Variants in AHNAK observed in about 807,000 individuals in gnomAD.
AHNAK encodes AHNAK nucleoprotein.
A neutral mutation model predicts 37.8 loss-of-function variants in AHNAK; 23 were observed. The observed-to-expected ratio is 0.61, with a 90% CI of 0.44 to 0.86. The LOEUF (loss-of-function observed/expected upper bound fraction) is 0.86. Ranked by LOEUF, AHNAK falls within the 40% of genes least tolerant of loss-of-function variation. The pLI is 0.00. For missense variants in AHNAK, 7,411 were observed against 7,319.4 expected, an observed-to-expected ratio of 1.01 and a Z score of -0.46; for synonymous variants, 2,481 against 2,636.3, an observed-to-expected ratio of 0.94 and a Z score of 1.80.
chr11:62,482,726 TAG>T (rs1939300300), intron 5 of AHNAK, among the ~76,000 whole-genome samples: 1 of 152,202 alleles, frequency 6.6e-6, no homozygotes, highest in Non-Finnish European at 1.5e-5. Context: ...TGTCTCCATC[TAG>T]CATGGTAGAG....
intron 5 of AHNAK, among the ~76,000 whole-genome samples, chr11:62,465,696 T>C (rs1021163098): frequency 4.6e-5 from 7 of 152,146 alleles, no homozygotes; most frequent in Non-Finnish European, 1.0e-4. Flanking sequence ...GAGTCAGCCC[T>C]GATCTAATGA....
chr11:62,510,245 A>G (rs993557228), intron 4 of AHNAK, among the ~76,000 whole-genome samples: 1 of 151,362 alleles, frequency 6.6e-6, no homozygotes, highest in African/African-American at 2.4e-5. Flanking sequence ...GGGTTTCACT[A>G]TGTTGGCCAG....
chr11:62,521,177 G>GA lies in AHNAK; in HGVS notation c.13239dup (p.Leu4414SerfsTer5). The GA allele has an allele frequency of 6.2e-7, 1 of 1,614,036 alleles. No individual in the cohort carries two copies. The highest frequency in any genetic ancestry group is 1.7e-5 in the Admixed American group (1 of 60,018). ...TTTATGTCAATTTCAGGGCCCTTGA[G>GA]ATCACCTTCCACTTTGGGCAGAGAG... On this transcript the variant is annotated frameshift_variant, in exon 5 of 5. Coordinates refer to ENST00000378024, the MANE Select transcript of AHNAK (RefSeq NM_001620.3). LOFTEE classifies it low-confidence loss of function (END_TRUNC).
In AHNAK at chr11:62,520,645, G is replaced by A. The variant is rs773481764; in HGVS notation, c.13772C>T (p.Pro4591Leu). Residue 4591 changes from proline to leucine, a missense_variant, in exon 5 of 5, where the codon CCG (proline) becomes CTG (leucine). Pro to Leu is a moderately conservative substitution (Grantham distance 98). Transcript: ENST00000378024. ...FKMPDLHLKA[P>L]KISMPEVDLN... is the part of the protein sequence containing the mutation. ...GTCAACTTCAGGCATAGAGATCTTC[G>A]GTGCCTTGAGGTGTAAGTCAGGCAT... is the stretch of plus-strand genomic sequence containing the variant. The A allele has an allele frequency of 2.1e-5, 34 of 1,613,946 alleles. No individual in the cohort carries two copies. The highest frequency in any genetic ancestry group is 2.7e-5 in the African/African-American group (2 of 74,868).
chr11:62,511,070 G>A (rs960621174), downstream of AHNAK, among the ~76,000 whole-genome samples: 1 of 152,146 alleles, frequency 6.6e-6, no homozygotes, highest in Non-Finnish European at 1.5e-5. Flanking sequence ...CATGGGTGAT[G>A]CACTTTTGCT....
At chr11:62,447,061 A>T (rs146029400) in intron 5 of AHNAK, among the ~76,000 whole-genome samples, 41 of 152,218 alleles carry the variant, frequency 2.7e-4, no homozygotes, top group African/African-American at 9.6e-4. Context: ...CTATGGAAAC[A>T]GCCCTCTCAA....
intron 4 of AHNAK, among the ~76,000 whole-genome samples, chr11:62,502,606 A>G (rs1460336296): frequency 1.3e-5 from 2 of 152,218 alleles, no homozygotes; most frequent in African/African-American, 4.8e-5. Context: ...GACAGTCCGG[A>G]GCAAGAGGCA....
chr11:62,439,604 A>G (rs1418327588), intron 5 of AHNAK, among the ~76,000 whole-genome samples: 1 of 143,606 alleles, frequency 7.0e-6, no homozygotes, highest in Non-Finnish European at 1.5e-5. Flanking sequence ...CTAACCATTT[A>G]TTATTTGTAG....
In AHNAK at chr11:62,521,483, A is replaced by T. The variant is rs768219102; in HGVS notation, c.12934T>A (p.Trp4312Arg). The T allele has an allele frequency of 6.2e-7, 1 of 1,611,486 alleles. No homozygotes were observed. Among genetic ancestry groups the T allele is most frequent in the Admixed American group, 1.7e-5 (1 of 59,668 alleles). ...APDVDVHGPD[W>R]HLKMPKVKMP... ...TTCACCTTGGGCATCTTCAGGTGCC[A>T]GTCTGGGCCATGAACATCTACATCA... The change falls in exon 5 of 5, where the codon TGG (tryptophan) becomes AGG (arginine). Residue 4312 changes from tryptophan to arginine, a missense_variant. Physicochemically the swap from Trp to Arg is moderately radical, Grantham distance 101. Transcript: ENST00000378024.
At chr11:62,546,362 G>T (rs1446176396) in intron 1 of AHNAK, among the ~76,000 whole-genome samples, 4 of 152,240 alleles carry the variant, frequency 2.6e-5, no homozygotes, top group Admixed American at 2.0e-4. Flanking sequence ...GGAACGGGGC[G>T]CCCTGCCTTG....
At position 62,521,644 on chromosome 11, in the gene AHNAK, G is replaced by A. The variant is rs767986036; in HGVS notation, c.12773C>T (p.Ser4258Phe). Reference protein sequence around the residue: ...PEMNIKAPKISMPDFDLHLKG... With the variant: ...PEMNIKAPKIFMPDFDLHLKG... The stretch of plus-strand genomic sequence containing the variant: ...CAGATGCAAATCAAAGTCAGGCATG[G>A]AGATCTTGGGGGCTTTGATGTTCAT... Residue 4258 changes from serine to phenylalanine, a missense_variant, in exon 5 of 5, where the codon TCC becomes TTC. Physicochemically the swap from Ser to Phe is radical, Grantham distance 155 (BLOSUM62 -2). Coordinates refer to ENST00000378024, the MANE Select transcript of AHNAK (RefSeq NM_001620.3). 3.1e-6 allele frequency: 5 copies of A among 1,613,596 alleles called. No individual in the cohort carries two copies. The highest frequency in any genetic ancestry group is 4.2e-6 in the Non-Finnish European group (5 of 1,179,970).
At chr11:62,472,030 A>G (rs1939045935) in intron 5 of AHNAK, among the ~76,000 whole-genome samples, 1 of 151,958 alleles carries the variant, frequency 6.6e-6, no homozygotes, top group Admixed American at 6.6e-5. Context: ...GAGGCTGCCC[A>G]TGACCCGGGT....
At chr11:62,462,189 C>G (rs983208490) in intron 5 of AHNAK, among the ~76,000 whole-genome samples, 2 of 152,182 alleles carry the variant, frequency 1.3e-5, no homozygotes, top group African/African-American at 4.8e-5. Flanking sequence ...CTTTCCCTCT[C>G]TCACCACAGT....
Position 62,527,635 on chromosome 11 carries a change from G to T in AHNAK, c.6782C>A (p.Pro2261Gln). The T allele has an allele frequency of 6.2e-7, 1 of 1,613,902 alleles. No individual in the cohort carries two copies. Among genetic ancestry groups the T allele is most frequent in the African/African-American group, 1.3e-5 (1 of 74,940 alleles). The change falls in exon 5 of 5, where the codon CCA becomes CAA. Residue 2261 changes from proline to glutamine, a missense_variant. Coordinates refer to ENST00000378024, the MANE Select transcript of AHNAK (RefSeq NM_001620.3). ...CTTGGGCAAGTTCACATCCACTTCT[G>T]GGCCCTCTCCTTTGAAGCCAGGCAT... ...FSMPGFKGEG[P>Q]EVDVNLPKAD...
intron 4 of AHNAK, among the ~76,000 whole-genome samples, chr11:62,495,794 A>G (rs1333114818): frequency 6.6e-6 from 1 of 151,628 alleles, no homozygotes; most frequent in Admixed American, 6.6e-5. Context: ...CATGCCTGTA[A>G]TCCCAGAACT....
intron 4 of AHNAK, among the ~76,000 whole-genome samples, chr11:62,502,686 A>G (rs562062096): frequency 1.3e-5 from 2 of 152,360 alleles, no homozygotes; most frequent in African/African-American, 4.8e-5. Context: ...ACAGAGCAAC[A>G]TGAATGCGTG....
chr11:62,536,157 T>A, intron 2 of AHNAK, 59 bp from the exon 3 acceptor site: 1 of 1,491,650 alleles, frequency 6.7e-7, no homozygotes, highest in Non-Finnish European at 9.0e-7. Context: ...CATGAGGGCA[T>A]GGGAAAGCTA....
intron 1 of AHNAK, among the ~76,000 whole-genome samples, chr11:62,541,730 C>T (rs565615240): frequency 2.0e-5 from 3 of 152,280 alleles, no homozygotes; most frequent in South Asian, 2.1e-4. Context: ...AATTAATATC[C>T]TTATTTCAGA....
At chr11:62,460,122 GAA>G (rs1234181041) in intron 5 of AHNAK, among the ~76,000 whole-genome samples, 5 of 98,808 alleles carry the variant, frequency 5.1e-5, no homozygotes, top group Non-Finnish European at 8.7e-5. Flanking sequence ...CCGTCTCAAA[GAA>G]AAAAAAAAAA....
Sources: allele counts gnomAD v4.1 joint callset (sites outside exome capture counted in the v4.1 genomes callset), GRCh38; gene constraint gnomAD v4.1.1; transcripts MANE v1.5; gene names NCBI Gene and HGNC (gene_info 2026-07-23, HGNC 2026-07-21).